Variants in PPP1R1C observed in about 807,000 individuals in gnomAD.
PPP1R1C encodes the protein protein phosphatase 1 regulatory inhibitor subunit 1C, also known as protein phosphatase 1 regulatory subunit 1C.
In PPP1R1C, 15 loss-of-function variants were observed where a neutral mutation model predicts 17.4. The ratio of observed to expected loss-of-function variants is 0.86; its 90% CI spans 0.58 to 1.33. The LOEUF (loss-of-function observed/expected upper bound fraction) is 1.33. PPP1R1C is among the 40% of genes most tolerant of loss of function. The pLI is 0.00. For missense variants in PPP1R1C, 143 were observed against 130.0 expected (o/e 1.10, Z -0.48); for synonymous variants, 35 against 43.1 (o/e 0.81, Z 0.73).
In PPP1R1C at chr2:182,024,854, CAAA is replaced by C. The variant is rs1686545281; in HGVS notation, c.143-36584_143-36582del. Among the ~76,000 whole-genome samples the C allele has an allele frequency of 3.6e-5, 5 of 138,234 alleles. No individual in the cohort carries two copies. The Admixed American group carries it at 3.7e-4, about 10-fold the overall frequency. 90.7% of individuals were successfully genotyped at this position (138,234 alleles called of 152,430 possible). A position where few individuals can be genotyped will look rare whatever the true frequency, so the allele number is the denominator to read the frequency against. On this transcript the variant is annotated intron_variant, in intron 2 of 4. Transcript: ENST00000682840. ...TGGGCAACAAAGCAAGAATCTGTCTCAAAAAACAAACAAACAAACAAACAAACA... is the reference window on the plus strand; with the variant it reads ...TGGGCAACAAAGCAAGAATCTGTCTCAAACAAACAAACAAACAAACAAACA...
At position 181,961,582 on chromosome 2, in the gene PPP1R1C, C is replaced by A; in HGVS notation, n.111+6948C>A. On this transcript the variant is annotated intron_variant and non_coding_transcript_variant, in intron 1 of 5. Transcript: ENST00000464264. This position sits in a 1 kb window ranked among gnomAD's most constrained non-coding sequence, Gnocchi z 5.8. ...CATCTTTAAGGACTGGACTGTACGTCTCAGCTCCGTGAGCGTCATCTCAGC... is the reference window on the plus strand; with the variant it reads ...CATCTTTAAGGACTGGACTGTACGTATCAGCTCCGTGAGCGTCATCTCAGC... 2.7e-6 allele frequency: 2 copies of A among 747,002 alleles called. No individual in the cohort carries two copies. The highest frequency in any genetic ancestry group is 3.8e-5 in the Admixed American group (2 of 52,922). The allele number at this position is 747,002 out of a possible 1,614,324, so 46.3% of individuals were successfully genotyped here.
chr2:182,030,321 G>T (rs1259122093), intron 2 of PPP1R1C, among the ~76,000 whole-genome samples: 6 of 152,146 alleles, frequency 3.9e-5, no homozygotes, highest in African/African-American at 1.4e-4. Context: ...TTTCTGTTCT[G>T]TTTTTTCCCC....
Position 182,061,435 on chromosome 2 carries a change from C to G in PPP1R1C, c.143-7C>G. 1.4e-6 allele frequency: 2 copies of G among 1,463,544 alleles called. No individual in the cohort carries two copies. Among genetic ancestry groups the G allele is most frequent in the Non-Finnish European group, 1.8e-6 (2 of 1,100,000 alleles). The allele number at this position is 1,463,544 out of a possible 1,614,324, so 90.7% of individuals were successfully genotyped here. On this transcript the variant is annotated splice_region_variant and splice_polypyrimidine_tract_variant and intron_variant, in intron 2 of 4. Transcript: ENST00000682840. Reference sequence around the variant, plus strand: ...TGCCTAATACATTCTACCTACTTCTCTTACAGAAATAGATGACAAGAGGGG... The same window carrying G: ...TGCCTAATACATTCTACCTACTTCTGTTACAGAAATAGATGACAAGAGGGG...
chr2:182,031,586 A>G (rs1429857930), intron 2 of PPP1R1C, among the ~76,000 whole-genome samples: 1 of 152,216 alleles, frequency 6.6e-6, no homozygotes, highest in Non-Finnish European at 1.5e-5. Flanking sequence ...AGAAATCAAA[A>G]GCCTTGCTGT....
At chr2:182,035,047 AC>A (rs1272595205) in intron 2 of PPP1R1C, among the ~76,000 whole-genome samples, 1 of 152,124 alleles carries the variant, frequency 6.6e-6, no homozygotes, top group East Asian at 1.9e-4. Flanking sequence ...AGTGCCTGGC[AC>A]CTCCTTGTTG....
chr2:181,997,820 CA>C (rs1290195545), intron 2 of PPP1R1C, among the ~76,000 whole-genome samples: 1 of 152,202 alleles, frequency 6.6e-6, no homozygotes, highest in Non-Finnish European at 1.5e-5. Flanking sequence ...TATTTGAAGA[CA>C]ACTTTTCAAC....
At chr2:182,043,463 A>G (rs1411113576) in intron 2 of PPP1R1C, among the ~76,000 whole-genome samples, 1 of 152,192 alleles carries the variant, frequency 6.6e-6, no homozygotes, top group African/African-American at 2.4e-5. Flanking sequence ...AGCATAGAAC[A>G]TGAAAAAAAT....
At chr2:181,990,699 G>A (rs1685451229) in intron 2 of PPP1R1C, among the ~76,000 whole-genome samples, 1 of 152,170 alleles carries the variant, frequency 6.6e-6, no homozygotes, top group Non-Finnish European at 1.5e-5. Flanking sequence ...CGATCCAACA[G>A]TTTCTTTTCC....
At chr2:182,052,396 G>T (rs1445347160) in intron 2 of PPP1R1C, among the ~76,000 whole-genome samples, 2 of 152,200 alleles carry the variant, frequency 1.3e-5, no homozygotes, top group Non-Finnish European at 1.5e-5. Flanking sequence ...GAGCAGACAT[G>T]CTTGGCTCTA....
chr2:182,106,687 A>G (rs1448866047), intron 4 of PPP1R1C, among the ~76,000 whole-genome samples: 1 of 152,218 alleles, frequency 6.6e-6, no homozygotes, highest in East Asian at 1.9e-4. Context: ...CTTTGCCATA[A>G]GGCATGGGGC....
intron 1 of PPP1R1C, among the ~76,000 whole-genome samples, chr2:181,956,776 C>T (rs1482799019): frequency 1.3e-5 from 2 of 152,132 alleles, no homozygotes; most frequent in Non-Finnish European, 2.9e-5. Context: ...TTAAGTCAGT[C>T]ATGTAATATT....
chr2:182,109,854 C>G (rs1370671758), intron 4 of PPP1R1C, among the ~76,000 whole-genome samples: 3 of 152,160 alleles, frequency 2.0e-5, no homozygotes, highest in Admixed American at 6.6e-5. Flanking sequence ...GGCATGTTCA[C>G]AAATTATCTC....
chr2:182,041,392 T>G (rs1279990376), intron 2 of PPP1R1C, among the ~76,000 whole-genome samples: 2 of 152,130 alleles, frequency 1.3e-5, no homozygotes, highest in African/African-American at 2.4e-5. Context: ...GTGGATCACC[T>G]GAGGTCAGGA....
intron 3 of PPP1R1C, among the ~76,000 whole-genome samples, chr2:182,063,190 T>G (rs1279731161): frequency 6.6e-6 from 1 of 152,050 alleles, no homozygotes; most frequent in Non-Finnish European, 1.5e-5. Context: ...CTTATCTTTT[T>G]TTTTAACATA....
At chr2:181,968,884 G>A (rs1487858706) in intron 1 of PPP1R1C, among the ~76,000 whole-genome samples, 1 of 151,628 alleles carries the variant, frequency 6.6e-6, no homozygotes, top group African/African-American at 2.4e-5. Context: ...TTGATTTGAG[G>A]TTACTTGAGG....
intron 4 of PPP1R1C, among the ~76,000 whole-genome samples, chr2:182,094,856 G>A (rs1315909181): frequency 6.6e-6 from 1 of 152,192 alleles, no homozygotes; most frequent in Admixed American, 6.5e-5. Context: ...ATCTTCAATA[G>A]GCTAGGTATA....
intron 4 of PPP1R1C, among the ~76,000 whole-genome samples, chr2:182,097,973 T>C (rs542913688): frequency 7.9e-5 from 12 of 152,292 alleles, no homozygotes; most frequent in Middle Eastern, 3.4e-3. Flanking sequence ...AAACAGATGT[T>C]TTTTTCTTCC....
chr2:182,110,472 T>C (rs766549261), intron 4 of PPP1R1C, among the ~76,000 whole-genome samples: 4 of 152,146 alleles, frequency 2.6e-5, no homozygotes, highest in African/African-American at 9.7e-5. Flanking sequence ...CTTGGTGAGC[T>C]CAGAGTCAGA....
At chr2:182,041,696 G>A (rs1164372932) in intron 2 of PPP1R1C, among the ~76,000 whole-genome samples, 1 of 149,546 alleles carries the variant, frequency 6.7e-6, no homozygotes, top group Non-Finnish European at 1.5e-5. Context: ...AATCAAAAAA[G>A]TTTAAAAATA....
Sources: gnomAD v4.1 joint callset for allele counts (sites outside exome capture counted in the v4.1 genomes callset) on GRCh38, gnomAD v4.1.1 for gene constraint, Gnocchi (gnomAD v3.1) non-coding constraint, MANE v1.5 for transcripts, NCBI Gene and HGNC (gene_info 2026-07-23, HGNC 2026-07-21) for gene names.